ANKRD17: variants seen among roughly 807,000 people sequenced by gnomAD.
ANKRD17 encodes the protein ankyrin repeat domain-containing protein 17.
Under a neutral mutation model 229.7 loss-of-function variants are expected in ANKRD17, and 19 were observed. The ratio of observed to expected loss-of-function variants is 0.08; its 90% CI spans 0.06 to 0.12. The LOEUF is 0.12. Ranked by LOEUF, ANKRD17 falls within the 10% of genes least tolerant of loss-of-function variation. The pLI is 1.00. For missense variants in ANKRD17, 2,176 were observed against 3,176.8 expected, an observed-to-expected ratio of 0.68 and a Z score of 7.57; for synonymous variants, 1,112 against 1,146.1, an observed-to-expected ratio of 0.97 and a Z score of 0.60.
chr4:73,204,673 T>C (rs1198340561), intron 1 of ANKRD17, among the ~76,000 whole-genome samples: 5 of 152,090 alleles, frequency 3.3e-5, no homozygotes, highest in Non-Finnish European at 5.9e-5. Flanking sequence ...TAAGAATCTA[T>C]TCTGGCGATT....
At chr4:73,181,522 GC>G (rs1218229740) in intron 1 of ANKRD17, among the ~76,000 whole-genome samples, 1 of 152,092 alleles carries the variant, frequency 6.6e-6, no homozygotes, top group African/African-American at 2.4e-5. Context: ...ATAAAGAGAT[GC>G]AATCTTATAA....
chr4:73,187,558 A>C (rs932954920), intron 1 of ANKRD17, among the ~76,000 whole-genome samples: 2 of 152,196 alleles, frequency 1.3e-5, no homozygotes, highest in African/African-American at 4.8e-5. Flanking sequence ...TACATAGGAC[A>C]TACTGAAGTA....
At chr4:73,125,883 T>G (rs1727397596) in intron 16 of ANKRD17, among the ~76,000 whole-genome samples, 1 of 152,108 alleles carries the variant, frequency 6.6e-6, no homozygotes, top group Non-Finnish European at 1.5e-5. Flanking sequence ...TACTGTGGAT[T>G]AACTTTTGCT....
intron 1 of ANKRD17, among the ~76,000 whole-genome samples, chr4:73,252,221 T>C (rs190589160): frequency 6.6e-6 from 1 of 152,310 alleles, no homozygotes; most frequent in Non-Finnish European, 1.5e-5. Flanking sequence ...AGACAAGGCT[T>C]TTGCTTTCAG....
chr4:73,252,555 G>A (rs1745120245), intron 1 of ANKRD17, among the ~76,000 whole-genome samples: 2 of 152,130 alleles, frequency 1.3e-5, no homozygotes, highest in African/African-American at 4.8e-5. Context: ...CTGCACATAT[G>A]GGGCTAGAGC....
chr4:73,210,910 A>G (rs902549213), intron 1 of ANKRD17, among the ~76,000 whole-genome samples: 3 of 152,126 alleles, frequency 2.0e-5, no homozygotes, highest in African/African-American at 4.8e-5. Flanking sequence ...TCTAAGTTTA[A>G]TAACTGTATA....
Position 73,258,602 on chromosome 4 carries a change from C to T in ANKRD17, c.67G>A (p.Val23Met), listed in dbSNP as rs1482881037. Reference protein sequence around the residue: ...AAEGEGSPPAVAAVAGPPAAA... With the variant: ...AAEGEGSPPAMAAVAGPPAAA... ...GCGGGGGGGCCCGCCACAGCCGCCACCGCCGGGGGGCTCCCTTCTCCTTCT... is the reference window on the plus strand; with the variant it reads ...GCGGGGGGGCCCGCCACAGCCGCCATCGCCGGGGGGCTCCCTTCTCCTTCT... The change falls in exon 1 of 34, where the codon GTG (valine) becomes ATG (methionine). Residue 23 changes from valine to methionine, a missense_variant. Transcript: ENST00000358602. 6.8e-7 allele frequency: 1 copy of T among 1,476,636 alleles called. No homozygotes were observed. Among genetic ancestry groups the T allele is most frequent in the Non-Finnish European group, 8.9e-7 (1 of 1,124,038 alleles). 91.5% of individuals were successfully genotyped at this position (1,476,636 alleles called of 1,614,324 possible).
chr4:73,158,182 A>AAGAAAG (rs1014789104), intron 3 of ANKRD17, among the ~76,000 whole-genome samples: 1 of 150,600 alleles, frequency 6.6e-6, no homozygotes, highest in South Asian at 2.1e-4. Flanking sequence ...GAAAGAAAGA[A>AAGAAAG]AGAAAGAGAG....
At chr4:73,257,900 T>A (rs1745602673) in intron 1 of ANKRD17, among the ~76,000 whole-genome samples, 1 of 151,870 alleles carries the variant, frequency 6.6e-6, no homozygotes, top group African/African-American at 2.4e-5. Context: ...ATTTTACTCC[T>A]CCCGCTTTGA....
intron 6 of ANKRD17, among the ~76,000 whole-genome samples, chr4:73,153,163 A>G (rs1238764881): frequency 6.6e-6 from 1 of 152,104 alleles, no homozygotes; most frequent in African/African-American, 2.4e-5. Context: ...GCCTCCTTAA[A>G]TTTTTTACTA....
rs148707761 is a variant in ANKRD17 at position 73,204,759 on chromosome 4, G to A, written c.394-27226C>T. Among the ~76,000 whole-genome samples the A allele has an allele frequency of 2.1e-3, 316 of 152,126 alleles. 2 individuals carry two copies. The highest frequency in any genetic ancestry group is 6.7e-3 in the African/African-American group (277 of 41,502). ...AAGAGAAGGAATGAAATATACTGTC[G>A]TAAGGTTCTTAATATTTTCGGGAAG... is the stretch of plus-strand genomic sequence containing the variant. On this transcript the variant is annotated intron_variant, in intron 1 of 33. Transcript: ENST00000358602.
chr4:73,160,358 G>A (rs902456712), intron 3 of ANKRD17, among the ~76,000 whole-genome samples: 49 of 151,938 alleles, frequency 3.2e-4, no homozygotes, highest in African/African-American at 1.1e-3. Context: ...AGCGGGGATT[G>A]CAGGCGTGCG....
intron 16 of ANKRD17, among the ~76,000 whole-genome samples, chr4:73,129,576 A>T (rs964504689): frequency 1.3e-5 from 2 of 151,936 alleles, no homozygotes; most frequent in African/African-American, 4.8e-5. Flanking sequence ...AATTAGCCAG[A>T]AGTGGTGTGC....
At chr4:73,094,038 C>A (rs1276294335) in intron 28 of ANKRD17, 41 bp downstream of exon 28, 1 of 1,589,516 alleles carries the variant, frequency 6.3e-7, no homozygotes, top group South Asian at 1.1e-5. Flanking sequence ...AGCTATAGTG[C>A]AATAAAATAA....
intron 24 of ANKRD17, among the ~76,000 whole-genome samples, chr4:73,110,046 A>G (rs1398343704): frequency 1.3e-5 from 2 of 151,558 alleles, no homozygotes; most frequent in Admixed American, 6.6e-5. Flanking sequence ...GGTAGAGGAA[A>G]AAAACTAAAA....
intron 1 of ANKRD17, among the ~76,000 whole-genome samples, chr4:73,193,967 T>C (rs2149077587): frequency 6.6e-6 from 1 of 152,208 alleles, no homozygotes; most frequent in East Asian, 1.9e-4. Flanking sequence ...TTTTATTGGG[T>C]TTTCTCAATA....
chr4:73,108,322 G>A (rs936813613), intron 24 of ANKRD17, among the ~76,000 whole-genome samples: 2 of 152,216 alleles, frequency 1.3e-5, no homozygotes, highest in African/African-American at 4.8e-5. Flanking sequence ...TGAATAGCTA[G>A]CTGAATACAC....
chr4:73,089,251 G>A (rs1400537896), intron 29 of ANKRD17, among the ~76,000 whole-genome samples: 1 of 151,728 alleles, frequency 6.6e-6, no homozygotes, highest in Admixed American at 6.6e-5. Flanking sequence ...GCCCAGGCTG[G>A]TCTGGAACTC....
At chr4:73,137,588 G>A (rs1344955183) in intron 15 of ANKRD17, among the ~76,000 whole-genome samples, 1 of 152,146 alleles carries the variant, frequency 6.6e-6, no homozygotes, top group Non-Finnish European at 1.5e-5. Flanking sequence ...AAAAGTCAGT[G>A]CATGAGTATA....
Sources: gnomAD v4.1 joint callset for allele counts (sites outside exome capture counted in the v4.1 genomes callset) on GRCh38, gnomAD v4.1.1 for gene constraint, MANE v1.5 for transcripts, NCBI Gene and HGNC (gene_info 2026-07-23, HGNC 2026-07-21) for gene names.